DACH2: variants seen among roughly 807,000 people sequenced by gnomAD.
The protein encoded by DACH2 is dachshund homolog 2.
In DACH2, 17 loss-of-function variants were observed where a neutral mutation model predicts 35.8. The observed-to-expected ratio is 0.48, with a 90% CI of 0.33 to 0.71. DACH2 has a LOEUF of 0.71. Among genes scored for constraint, DACH2 ranks in the 30% least tolerant of loss-of-function variants. The pLI is 0.02. For missense variants in DACH2, 469 were observed against 472.7 expected (o/e 0.99, Z 0.07); for synonymous variants, 195 against 177.3 (o/e 1.10, Z -0.79).
chrX:86,272,195 T>TGA (rs200212408), intron 1 of DACH2, among the ~76,000 whole-genome samples: 1,728 of 60,948 alleles, frequency 0.028, 41 homozygotes, highest in African/African-American at 0.12. Context: ...AGTATTCCTT[T>TGA]GAGAGTGTGT....
At chrX:86,340,515 C>T (rs2035395119) in intron 1 of DACH2, among the ~76,000 whole-genome samples, 1 of 110,851 alleles carries the variant, frequency 9.0e-6, no homozygotes, top group Admixed American at 9.7e-5. Flanking sequence ...TCCCTATTCC[C>T]TGAGACACAG....
rs758789583 is a variant in DACH2 at position 86,673,533 on chromosome X, T to C, written c.773-21488T>C. On this transcript the variant is annotated intron_variant, in intron 4 of 11. Transcript: ENST00000373125. Reference sequence around the variant, plus strand: ...TTGAGAGTAACTAACTTGTTTTTGATTTTACAGGTTGATGGGCAGAAGAGA... The same window carrying C: ...TTGAGAGTAACTAACTTGTTTTTGACTTTACAGGTTGATGGGCAGAAGAGA... Among the ~76,000 whole-genome samples, 316 of 110,771 alleles carry C rather than the reference T, an allele frequency of 2.9e-3. 2 individuals carry two copies. The highest frequency in any genetic ancestry group is 5.0e-3 in the Non-Finnish European group (266 of 52,934).
chrX:86,445,876 G>A (rs948513478), intron 2 of DACH2, among the ~76,000 whole-genome samples: 4 of 111,273 alleles, frequency 3.6e-5, no homozygotes, highest in Non-Finnish European at 5.7e-5. Context: ...ATTTGGATTC[G>A]AATGCTGATT....
intron 7 of DACH2, among the ~76,000 whole-genome samples, chrX:86,795,265 G>A (rs751806843): frequency 2.1e-5 from 2 of 94,756 alleles, no homozygotes; most frequent in African/African-American, 4.0e-5. Flanking sequence ...CAGAATCTTC[G>A]CTCTGTCACC....
At chrX:86,186,039 G>T (rs2031672357) in intron 1 of DACH2, among the ~76,000 whole-genome samples, 1 of 112,394 alleles carries the variant, frequency 8.9e-6, no homozygotes. Context: ...TGAGAAAACT[G>T]AACCTCAGGG....
intron 4 of DACH2, among the ~76,000 whole-genome samples, chrX:86,659,691 A>T (rs1256323012): frequency 9.0e-6 from 1 of 111,666 alleles, no homozygotes; most frequent in Non-Finnish European, 1.9e-5. Context: ...CATTAATGCT[A>T]AATATCTAGC....
chrX:86,697,316 G>A (rs2041078776), intron 5 of DACH2, among the ~76,000 whole-genome samples: 1 of 111,221 alleles, frequency 9.0e-6, no homozygotes, highest in African/African-American at 3.3e-5. Context: ...AAACAAGGAG[G>A]AGAGAAACAA....
intron 7 of DACH2, among the ~76,000 whole-genome samples, chrX:86,779,695 T>C (rs780452500): frequency 9.0e-6 from 1 of 111,234 alleles, no homozygotes; most frequent in South Asian, 3.8e-4. Flanking sequence ...ATGGAAGTGG[T>C]GAAAAGTGGC....
intron 7 of DACH2, among the ~76,000 whole-genome samples, chrX:86,740,603 T>C (rs1165817374): frequency 2.9e-5 from 3 of 103,335 alleles, no homozygotes; most frequent in Non-Finnish European, 5.9e-5. Flanking sequence ...TTTTGTTTTC[T>C]CAGAAGCCTT....
intron 4 of DACH2, among the ~76,000 whole-genome samples, chrX:86,651,835 A>G (rs898197809): frequency 7.1e-5 from 8 of 111,975 alleles, no homozygotes. Context: ...ATCAACATAC[A>G]TGAATGGATG....
Position 86,650,058 on chromosome X carries a change from A to G in DACH2, c.641-978A>G, listed in dbSNP as rs373581835. On this transcript the variant is annotated intron_variant, in intron 3 of 11. Coordinates refer to ENST00000373125, the MANE Select transcript of DACH2 (RefSeq NM_053281.3). ...ACTTTTTGGAGGACATCGTTGGAGTATGGATTGTTCTGGTACTTTTAGTAC... is the reference window on the plus strand; with the variant it reads ...ACTTTTTGGAGGACATCGTTGGAGTGTGGATTGTTCTGGTACTTTTAGTAC... Among the ~76,000 whole-genome samples, 25 of 110,588 alleles carry G rather than the reference A, an allele frequency of 2.3e-4. No individual in the cohort carries two copies. In the East Asian group the frequency reaches 2.6e-3, roughly 11 times the overall value.
intron 1 of DACH2, among the ~76,000 whole-genome samples, chrX:86,331,365 G>T (rs1474411684): frequency 9.0e-6 from 1 of 110,891 alleles, no homozygotes; most frequent in African/African-American, 3.3e-5. Context: ...GGGTCACTTG[G>T]ATAACATTTC....
intron 2 of DACH2, among the ~76,000 whole-genome samples, chrX:86,470,229 C>A (rs1410343586): frequency 9.0e-6 from 1 of 111,633 alleles, no homozygotes; most frequent in Non-Finnish European, 1.9e-5. Flanking sequence ...TATTGTCATT[C>A]TTTTAGCACT....
intron 3 of DACH2, among the ~76,000 whole-genome samples, chrX:86,533,620 A>G (rs1220681916): frequency 1.8e-5 from 2 of 112,305 alleles, no homozygotes; most frequent in Non-Finnish European, 3.8e-5. Context: ...CTGAGTTAGT[A>G]TAGCAGAGCA....
intron 2 of DACH2, among the ~76,000 whole-genome samples, chrX:86,504,124 T>C (rs1294888231): frequency 9.0e-6 from 1 of 110,784 alleles, no homozygotes; most frequent in African/African-American, 3.3e-5. Context: ...TATTACATTA[T>C]GAAGGATTTT....
intron 1 of DACH2, chrX:86,304,514 A>C (rs2034637938): frequency 7.3e-6 from 1 of 137,103 alleles, no homozygotes; most frequent in Admixed American, 7.3e-5. Flanking sequence ...CTATTTCAGT[A>C]TTCCATGGTC....
chrX:86,398,676 C>T (rs914739980), intron 2 of DACH2, among the ~76,000 whole-genome samples: 3 of 111,954 alleles, frequency 2.7e-5, no homozygotes, highest in African/African-American at 9.8e-5. Context: ...GCAGGTTGTT[C>T]AGTTTCCATG....
intron 1 of DACH2, among the ~76,000 whole-genome samples, chrX:86,296,195 C>T (rs866012437): frequency 1.6e-4 from 17 of 104,917 alleles, no homozygotes; most frequent in East Asian, 9.0e-4. Flanking sequence ...CTGGCTAACA[C>T]GGTGAAACCC....
chrX:86,419,747 T>C (rs1230723171), intron 2 of DACH2, among the ~76,000 whole-genome samples: 1 of 111,923 alleles, frequency 8.9e-6, no homozygotes, highest in African/African-American at 3.3e-5. Flanking sequence ...TTATGTGGAA[T>C]GATAACACCA....
Sources: gnomAD v4.1 joint callset for allele counts (sites outside exome capture counted in the v4.1 genomes callset) on GRCh38, gnomAD v4.1.1 for gene constraint, MANE v1.5 for transcripts, NCBI Gene and HGNC (gene_info 2026-07-23, HGNC 2026-07-21) for gene names.